CCDC192: variants seen among roughly 807,000 people sequenced by gnomAD.
CCDC192 encodes coiled-coil domain-containing protein 192.
intron 6 of CCDC192, among the ~76,000 whole-genome samples, chr5:127,901,628 C>G (rs1030624380): frequency 2.0e-5 from 3 of 152,136 alleles, no homozygotes; most frequent in African/African-American, 7.2e-5. Flanking sequence ...CAGGGAAAGC[C>G]TAACGGAAAA....
intron 5 of CCDC192, among the ~76,000 whole-genome samples, chr5:127,856,104 C>T (rs1019429052): frequency 6.6e-6 from 1 of 152,324 alleles, no homozygotes; most frequent in East Asian, 1.9e-4. Context: ...GCATCTTCTT[C>T]CAGTTGAAGG....
At chr5:127,838,384 A>G (rs1034920024) in intron 5 of CCDC192, 2 of 152,236 alleles carry the variant, frequency 1.3e-5, no homozygotes, top group African/African-American at 4.8e-5. Flanking sequence ...AATTGGTGAT[A>G]CTGAGAAAAT....
chr5:127,734,644 T>C lies in CCDC192; in HGVS notation c.115-19624T>C, dbSNP rs1476002723. 1.4e-3 allele frequency among the ~76,000 whole-genome samples: 195 copies of C among 143,074 alleles called. 1 individual carries two copies. The Middle Eastern group carries it at 0.028, about 21-fold the overall frequency. 93.9% of individuals were successfully genotyped at this position (143,074 alleles called of 152,430 possible). Reference sequence around the variant, plus strand: ...CTAACTGGTGTGAGATGGTATCTCATTGTGGTTTTGATTTGCATTTCTCTG... The same window carrying C: ...CTAACTGGTGTGAGATGGTATCTCACTGTGGTTTTGATTTGCATTTCTCTG... On this transcript the variant is annotated intron_variant, in intron 2 of 6. Transcript: ENST00000514853.
intron 5 of CCDC192, among the ~76,000 whole-genome samples, chr5:127,854,324 G>C (rs1750958879): frequency 6.6e-6 from 1 of 152,138 alleles, no homozygotes. Flanking sequence ...GATTTGTACA[G>C]TAGTACCCCC....
chr5:127,780,722 A>G (rs182172633), intron 3 of CCDC192, among the ~76,000 whole-genome samples: 298 of 152,204 alleles, frequency 2.0e-3, no homozygotes, highest in African/African-American at 6.1e-3. Flanking sequence ...TCTAGATATT[A>G]GTCCTTTGTC....
At chr5:127,710,006 C>A (rs991582515) in intron 2 of CCDC192, among the ~76,000 whole-genome samples, 2 of 152,144 alleles carry the variant, frequency 1.3e-5, no homozygotes, top group African/African-American at 4.8e-5. Context: ...TACCTACTAC[C>A]TTTAGGATTT....
At chr5:127,767,186 G>A (rs1755275053) in intron 3 of CCDC192, among the ~76,000 whole-genome samples, 2 of 152,172 alleles carry the variant, frequency 1.3e-5, no homozygotes, top group Admixed American at 1.3e-4. Context: ...TAGAGGGAGT[G>A]TTGTATCCTA....
chr5:127,768,929 G>A (rs1580626373), intron 3 of CCDC192, among the ~76,000 whole-genome samples: 1 of 152,296 alleles, frequency 6.6e-6, no homozygotes, highest in Non-Finnish European at 1.5e-5. Flanking sequence ...CCTAATTTGT[G>A]TTACTAATCC....
At chr5:127,833,791 A>C (rs1749905486) in intron 5 of CCDC192, among the ~76,000 whole-genome samples, 1 of 152,204 alleles carries the variant, frequency 6.6e-6, no homozygotes. Flanking sequence ...AAAACAATTC[A>C]GTTAAATTTT....
intron 5 of CCDC192, among the ~76,000 whole-genome samples, chr5:127,835,686 G>A (rs1047782956): frequency 6.6e-6 from 1 of 152,164 alleles, no homozygotes; most frequent in Non-Finnish European, 1.5e-5. Flanking sequence ...CATGGTGGCA[G>A]GCAAGAGAGA....
At chr5:127,726,010 T>C (rs1752301734) in intron 2 of CCDC192, among the ~76,000 whole-genome samples, 1 of 152,050 alleles carries the variant, frequency 6.6e-6, no homozygotes, top group Non-Finnish European at 1.5e-5. Flanking sequence ...TGAAAATAAT[T>C]GATGAATAAG....
intron 6 of CCDC192, among the ~76,000 whole-genome samples, chr5:127,928,975 C>T (rs1753943932): frequency 6.6e-6 from 1 of 152,030 alleles, no homozygotes; most frequent in East Asian, 1.9e-4. Flanking sequence ...CCAGGCTGGC[C>T]AGGCTGGTCT....
At chr5:127,725,520 T>C (rs747998531) in intron 2 of CCDC192, among the ~76,000 whole-genome samples, 4 of 152,198 alleles carry the variant, frequency 2.6e-5, no homozygotes, top group African/African-American at 7.2e-5. Context: ...ATAATTGATA[T>C]AAAATATTAA....
rs191411249 is a variant in CCDC192 at position 127,860,711 on chromosome 5, A to G, written c.412-14827A>G. On this transcript the variant is annotated intron_variant, in intron 5 of 6. Transcript: ENST00000514853. The stretch of plus-strand genomic sequence containing the variant: ...TGCCAGTTTGGGACAGAAAGAATAA[A>G]CAGAAAGCATGCAAATAATCAAAGT... Among the ~76,000 whole-genome samples the G allele has an allele frequency of 3.9e-3, 601 of 152,338 alleles. 6 individuals are homozygous for G. The highest frequency in any genetic ancestry group is 6.5e-3 in the Non-Finnish European group (440 of 68,026).
intron 2 of CCDC192, among the ~76,000 whole-genome samples, chr5:127,718,865 A>G (rs1751795340): frequency 1.3e-5 from 2 of 152,192 alleles, no homozygotes; most frequent in South Asian, 4.1e-4. Context: ...ATGGGTACCC[A>G]TCACCTCAAG....
At chr5:127,893,667 A>G (rs1012422280) in intron 6 of CCDC192, among the ~76,000 whole-genome samples, 1 of 152,256 alleles carries the variant, frequency 6.6e-6, no homozygotes, top group Non-Finnish European at 1.5e-5. Context: ...ATGACAAAGG[A>G]TAGTTTAACA....
intron 6 of CCDC192, among the ~76,000 whole-genome samples, chr5:127,894,516 A>G (rs948998840): frequency 6.6e-6 from 1 of 152,160 alleles, no homozygotes; most frequent in Non-Finnish European, 1.5e-5. Flanking sequence ...TAACTCATTT[A>G]TATAAATATA....
intron 5 of CCDC192, among the ~76,000 whole-genome samples, chr5:127,873,166 C>T (rs1308217610): frequency 2.6e-5 from 4 of 152,172 alleles, no homozygotes; most frequent in African/African-American, 9.7e-5. Context: ...TTAATTCTCA[C>T]CTCACTGCAT....
chr5:127,925,568 G>T (rs1415638538), intron 6 of CCDC192, among the ~76,000 whole-genome samples: 1 of 152,072 alleles, frequency 6.6e-6, no homozygotes, highest in Non-Finnish European at 1.5e-5. Flanking sequence ...TAAACTAAAA[G>T]CAAGTAGCAC....
Sources: allele counts gnomAD v4.1 joint callset (sites outside exome capture counted in the v4.1 genomes callset), GRCh38; gene constraint gnomAD v4.1.1; transcripts MANE v1.5; gene names NCBI Gene and HGNC (gene_info 2026-07-23, HGNC 2026-07-21).